CNTN3: variants seen among roughly 807,000 people sequenced by gnomAD.
The protein encoded by CNTN3 is contactin-3.
CNTN3 carries 60 observed loss-of-function variants against 119.1 expected under a neutral mutation model. The observed-to-expected ratio is 0.50, with a 90% CI of 0.41 to 0.62. CNTN3 has a LOEUF of 0.62. CNTN3 is among the 20% of genes least tolerant of loss of function. CNTN3 has a pLI of 0.00. For synonymous variants in CNTN3, 450 were observed against 438.7 expected (o/e 1.03, Z -0.32); for missense variants, 1,101 against 1,242.4 (o/e 0.89, Z 1.71).
chr3:74,463,744 AGTCGGCAT>A (rs1702412150), intron 4 of CNTN3, among the ~76,000 whole-genome samples: 1 of 152,064 alleles, frequency 6.6e-6, no homozygotes, highest in Non-Finnish European at 1.5e-5. Context: ...TCTCCTGGAG[AGTCGGCAT>A]GTCTTATTCA....
intron 1 of CNTN3, among the ~76,000 whole-genome samples, chr3:74,584,258 A>C (rs191777523): frequency 1.3e-5 from 2 of 152,250 alleles, no homozygotes; most frequent in Non-Finnish European, 2.9e-5. Context: ...TTGATACCTT[A>C]CATAGTTGTT....
At chr3:74,311,994 G>C (rs1436013311) in intron 13 of CNTN3, among the ~76,000 whole-genome samples, 1 of 152,092 alleles carries the variant, frequency 6.6e-6, no homozygotes, top group Non-Finnish European at 1.5e-5. Context: ...ACTCCACGAA[G>C]AGCCAATCAT....
chr3:74,351,491 T>G (rs1052595205), intron 11 of CNTN3, among the ~76,000 whole-genome samples: 1 of 152,188 alleles, frequency 6.6e-6, no homozygotes, highest in South Asian at 2.1e-4. Flanking sequence ...AGGTGGCAAG[T>G]GACACAGCCA....
At chr3:74,437,752 C>T (rs1701893722) in intron 4 of CNTN3, among the ~76,000 whole-genome samples, 1 of 151,716 alleles carries the variant, frequency 6.6e-6, no homozygotes, top group Admixed American at 6.6e-5. Context: ...CAAAACTACA[C>T]TTTTTTTTCC....
intron 11 of CNTN3, among the ~76,000 whole-genome samples, chr3:74,339,892 CAGATAGATAGATAGATAGATAGATAGAT>C (rs55925924): frequency 2.7e-5 from 4 of 149,756 alleles, no homozygotes; most frequent in African/African-American, 9.9e-5. Flanking sequence ...TAATTGGATA[CAGATAGATAGATAGATAGATAGATAGAT>C]AGATAGATAG....
chr3:74,319,488 T>C (rs1233816254), intron 13 of CNTN3, among the ~76,000 whole-genome samples: 1 of 152,162 alleles, frequency 6.6e-6, no homozygotes, highest in Non-Finnish European at 1.5e-5. Context: ...ACTGGATCCC[T>C]TCCTTACACC....
At chr3:74,267,861 A>C (rs2106743569) in intron 20 of CNTN3, among the ~76,000 whole-genome samples, 1 of 152,262 alleles carries the variant, frequency 6.6e-6, no homozygotes, top group Admixed American at 6.5e-5. Flanking sequence ...AGGCTGGAAG[A>C]AATTGCCAAA....
At chr3:74,504,035 T>C (rs1258154599) in intron 2 of CNTN3, among the ~76,000 whole-genome samples, 4 of 152,090 alleles carry the variant, frequency 2.6e-5, no homozygotes, top group Non-Finnish European at 5.9e-5. Flanking sequence ...TCATACTCTA[T>C]ACAATTTTTA....
At chr3:74,572,847 T>G (rs1294337799) in intron 1 of CNTN3, among the ~76,000 whole-genome samples, 1 of 152,206 alleles carries the variant, frequency 6.6e-6, no homozygotes, top group African/African-American at 2.4e-5. Flanking sequence ...GGACAAGAGG[T>G]AACTGCCTGT....
intron 11 of CNTN3, among the ~76,000 whole-genome samples, chr3:74,341,328 A>G (rs1703540426): frequency 6.6e-6 from 1 of 152,192 alleles, no homozygotes; most frequent in South Asian, 2.1e-4. Flanking sequence ...ACTTCACTAT[A>G]AACGAATTTG....
chr3:74,266,715 G>A, intron 21 of CNTN3, 66 bp from the exon 22 acceptor site: 1 of 1,455,658 alleles, frequency 6.9e-7, no homozygotes, highest in South Asian at 1.2e-5. Flanking sequence ...CATAGAATTT[G>A]TCTCTCTGAA....
chr3:74,528,618 T>C (rs1703653241), intron 1 of CNTN3, among the ~76,000 whole-genome samples: 1 of 151,856 alleles, frequency 6.6e-6, no homozygotes, highest in South Asian at 2.1e-4. Flanking sequence ...AACAAATCTG[T>C]CAAAGAGAAA....
chr3:74,481,925 G>C (rs1702770832), intron 4 of CNTN3, among the ~76,000 whole-genome samples: 1 of 151,592 alleles, frequency 6.6e-6, no homozygotes, highest in South Asian at 2.1e-4. Context: ...TTTTTTACTA[G>C]TATATTAGAA....
At chr3:74,385,021 T>A (rs909641380) in intron 5 of CNTN3, among the ~76,000 whole-genome samples, 1 of 152,206 alleles carries the variant, frequency 6.6e-6, no homozygotes, top group Non-Finnish European at 1.5e-5. Context: ...CACAGGCTAT[T>A]TAGAGTGCCA....
chr3:74,365,816 A>G (rs1704173852), intron 8 of CNTN3, 114 bp from the exon 9 acceptor site: 1 of 1,207,230 alleles, frequency 8.3e-7, no homozygotes, highest in East Asian at 2.5e-5. Context: ...ATAATGAGTA[A>G]CAGATTGAAG....
Position 74,299,282 on chromosome 3 carries a change from T to C in CNTN3, c.2166+586A>G, listed in dbSNP as rs141051455. ...TCGTGTCAAAAATTTTGTTGACACA[T>C]CATCAGCATCTTCAAAAAATGCAGG... On this transcript the variant is annotated intron_variant, in intron 17 of 22. Transcript: ENST00000263665. Among the ~76,000 whole-genome samples the C allele has an allele frequency of 3.1e-3, 470 of 152,306 alleles. 6 individuals carry two copies. Among genetic ancestry groups the C allele is most frequent in the African/African-American group, 0.011 (456 of 41,562 alleles).
intron 1 of CNTN3, among the ~76,000 whole-genome samples, chr3:74,525,169 A>T (rs1703601061): frequency 6.6e-6 from 1 of 151,878 alleles, no homozygotes; most frequent in Non-Finnish European, 1.5e-5. Flanking sequence ...CAACATACCA[A>T]TGTTACTCTC....
intron 2 of CNTN3, among the ~76,000 whole-genome samples, chr3:74,511,252 C>T (rs781040424): frequency 6.6e-6 from 1 of 152,050 alleles, no homozygotes; most frequent in Non-Finnish European, 1.5e-5. Context: ...ATTGACAGAG[C>T]ACAATTTCCA....
intron 11 of CNTN3, among the ~76,000 whole-genome samples, chr3:74,343,036 C>T (rs187951726): frequency 3.3e-5 from 5 of 152,176 alleles, no homozygotes; most frequent in African/African-American, 1.2e-4. Context: ...GTTCACAGGC[C>T]CCTCATACTT....
Sources: allele counts gnomAD v4.1 joint callset (sites outside exome capture counted in the v4.1 genomes callset), GRCh38; gene constraint gnomAD v4.1.1; transcripts MANE v1.5; gene names NCBI Gene and HGNC (gene_info 2026-07-23, HGNC 2026-07-21).